The following BTBD9 variants were observed in gnomAD, a reference collection of about 807,000 sequenced individuals.
BTBD9 encodes the protein BTB/POZ domain-containing protein 9.
BTBD9 carries 49 observed loss-of-function variants against 64.3 expected under a neutral mutation model. The observed-to-expected ratio is 0.76, with a 90% confidence interval of 0.61 to 0.97. BTBD9 has a LOEUF of 0.97. Among genes scored for constraint, BTBD9 ranks in the 50% least tolerant of loss-of-function variants. The pLI is 0.00. For missense variants in BTBD9, 598 were observed against 762.1 expected (o/e 0.78, Z 2.53); for synonymous variants, 260 against 274.7 (o/e 0.95, Z 0.53).
In BTBD9 at chr6:38,173,670, C is replaced by A. The variant is rs1766882929; in HGVS notation, c.*1315G>T. The A allele has an allele frequency of 6.6e-6, 1 of 152,408 alleles. No homozygotes were observed. The highest frequency in any genetic ancestry group is 2.4e-5 in the African/African-American group (1 of 41,578). 9.4% of individuals were successfully genotyped at this position (152,408 alleles called of 1,614,324 possible). On this transcript the variant is annotated 3_prime_UTR_variant, in exon 11 of 11. Transcript: ENST00000481247. Reference sequence around the variant, plus strand: ...AGGAAACTCCCACGCCCTCACCCTCCTTTGATCAGGGTTGCAGGTTGGCGC... The same window carrying A: ...AGGAAACTCCCACGCCCTCACCCTCATTTGATCAGGGTTGCAGGTTGGCGC...
intron 6 of BTBD9, among the ~76,000 whole-genome samples, chr6:38,510,190 T>C (rs952572612): frequency 6.6e-6 from 1 of 152,224 alleles, no homozygotes; most frequent in Non-Finnish European, 1.5e-5. Context: ...TCATAGAGTA[T>C]ACTTACACGA....
intron 6 of BTBD9, among the ~76,000 whole-genome samples, chr6:38,508,522 A>G (rs1772638838): frequency 6.6e-6 from 1 of 152,176 alleles, no homozygotes; most frequent in African/African-American, 2.4e-5. Flanking sequence ...AATTCTCTTC[A>G]TATTTCTCTC....
chr6:38,472,235 T>C (rs1309824357), intron 6 of BTBD9, among the ~76,000 whole-genome samples: 2 of 152,206 alleles, frequency 1.3e-5, no homozygotes, highest in Non-Finnish European at 2.9e-5. Flanking sequence ...TTACATACAG[T>C]GCAAATATAT....
Position 38,303,858 on chromosome 6 carries a change from T to C in BTBD9, c.1265-15397A>G, listed in dbSNP as rs867851601. 5.7e-4 allele frequency among the ~76,000 whole-genome samples: 70 copies of C among 122,250 alleles called. No individual in the cohort carries two copies. The Middle Eastern group carries it at 0.012, about 20-fold the overall frequency. The allele number at this position is 122,250 out of a possible 152,430, so 80.2% of individuals were successfully genotyped here. The stretch of plus-strand genomic sequence containing the variant: ...GTTGCTAGATATATATATATATATA[T>C]ATATATATATATATATACACACACA... On this transcript the variant is annotated intron_variant, in intron 7 of 10. Transcript: ENST00000481247.
At chr6:38,625,243 A>G (rs758352106) in intron 1 of BTBD9, among the ~76,000 whole-genome samples, 2 of 152,204 alleles carry the variant, frequency 1.3e-5, no homozygotes, top group Non-Finnish European at 2.9e-5. Context: ...AGTTGGCCAC[A>G]GTAAACATGT....
intron 6 of BTBD9, among the ~76,000 whole-genome samples, chr6:38,404,729 G>T (rs1767091503): frequency 6.6e-6 from 1 of 152,172 alleles, no homozygotes; most frequent in Non-Finnish European, 1.5e-5. Context: ...AAACTGATGT[G>T]TTTCATTCTG....
At chr6:38,461,841 T>C (rs1225131866) in intron 6 of BTBD9, among the ~76,000 whole-genome samples, 4 of 152,240 alleles carry the variant, frequency 2.6e-5, no homozygotes, top group Admixed American at 2.6e-4. Flanking sequence ...TTTGGTATGG[T>C]CAGTTTTAAA....
chr6:38,558,402 T>G (rs936349647), intron 6 of BTBD9, among the ~76,000 whole-genome samples: 2 of 152,236 alleles, frequency 1.3e-5, no homozygotes, highest in East Asian at 3.8e-4. Flanking sequence ...TTCTCCTGCC[T>G]GACTACTCTG....
chr6:38,347,333 C>T (rs187965235), intron 6 of BTBD9, among the ~76,000 whole-genome samples: 1 of 152,236 alleles, frequency 6.6e-6, no homozygotes, highest in African/African-American at 2.4e-5. Context: ...ATAAAAAGTT[C>T]TGTGTAAATG....
At chr6:38,435,660 T>C (rs78389598) in intron 6 of BTBD9, among the ~76,000 whole-genome samples, 23 of 72,822 alleles carry the variant, frequency 3.2e-4, no homozygotes, top group African/African-American at 6.0e-4. Flanking sequence ...TTCCTTCCTT[T>C]CTCTCTCTCT....
chr6:38,504,397 C>A (rs1295771868), intron 6 of BTBD9: 1 of 357,162 alleles, frequency 2.8e-6, no homozygotes, highest in Non-Finnish European at 5.6e-6. Context: ...TACCACTACC[C>A]AAACTACAAA....
chr6:38,303,637 T>C (rs979002575), intron 7 of BTBD9, among the ~76,000 whole-genome samples: 2 of 151,836 alleles, frequency 1.3e-5, no homozygotes, highest in Non-Finnish European at 2.9e-5. Context: ...CCCTAGGTAA[T>C]CTAATTCAAT....
At chr6:38,349,538 CTATTT>C (rs1764418726) in intron 6 of BTBD9, among the ~76,000 whole-genome samples, 1 of 151,924 alleles carries the variant, frequency 6.6e-6, no homozygotes, top group African/African-American at 2.4e-5. Context: ...TATAATTGTT[CTATTT>C]TATTATTAGT....
intron 6 of BTBD9, among the ~76,000 whole-genome samples, chr6:38,415,662 T>C (rs1394853550): frequency 1.3e-5 from 2 of 152,182 alleles, no homozygotes; most frequent in African/African-American, 4.8e-5. Flanking sequence ...TCTCTAAGCA[T>C]TGCAGCAGTT....
At position 38,223,695 on chromosome 6, in the gene BTBD9, G is replaced by A. The variant is rs576564265; in HGVS notation, c.1563-31098C>T. Among the ~76,000 whole-genome samples the A allele has an allele frequency of 5.3e-5, 8 of 151,926 alleles. No homozygotes were observed. In the East Asian group the frequency reaches 1.2e-3, roughly 22 times the overall value. On this transcript the variant is annotated intron_variant, in intron 9 of 10. Coordinates refer to ENST00000481247, the MANE Select transcript of BTBD9 (RefSeq NM_001099272.2). Reference sequence around the variant, plus strand: ...TCTGCTCAATTCTGCACCCATTCACGGCTCTGCCCTCACGCTGTCATACTC... The same window carrying A: ...TCTGCTCAATTCTGCACCCATTCACAGCTCTGCCCTCACGCTGTCATACTC...
intron 7 of BTBD9, among the ~76,000 whole-genome samples, chr6:38,290,322 T>G (rs1456221179): frequency 6.6e-6 from 1 of 151,880 alleles, no homozygotes; most frequent in African/African-American, 2.4e-5. Context: ...CCTGTGACTT[T>G]GGAAAGAAAC....
chr6:38,601,672 C>T (rs550295627), intron 1 of BTBD9, among the ~76,000 whole-genome samples: 3 of 152,076 alleles, frequency 2.0e-5, no homozygotes, highest in South Asian at 2.1e-4. Flanking sequence ...GGCAACACAG[C>T]AAGACCCTGT....
intron 6 of BTBD9, among the ~76,000 whole-genome samples, chr6:38,452,290 G>C (rs1436462500): frequency 6.6e-6 from 1 of 151,942 alleles, no homozygotes; most frequent in Non-Finnish European, 1.5e-5. Flanking sequence ...GATTAATTTG[G>C]GATTCCAACC....
At chr6:38,408,692 C>G (rs915069699) in intron 6 of BTBD9, among the ~76,000 whole-genome samples, 2 of 151,926 alleles carry the variant, frequency 1.3e-5, no homozygotes, top group African/African-American at 4.8e-5. Context: ...GTAGAATCAA[C>G]AAAAAAAGAA....
Sources: allele counts gnomAD v4.1 joint callset (sites outside exome capture counted in the v4.1 genomes callset), GRCh38; gene constraint gnomAD v4.1.1; transcripts MANE v1.5; gene names NCBI Gene and HGNC (gene_info 2026-07-23, HGNC 2026-07-21).